Variants in TUSC3 observed in about 807,000 individuals in gnomAD.
TUSC3 encodes the protein tumor suppressor candidate 3.
TUSC3 carries 45 observed loss-of-function variants against 44.8 expected under a neutral mutation model. The ratio of observed to expected loss-of-function variants is 1.00; its 90% CI spans 0.79 to 1.29. The LOEUF is 1.29. TUSC3 is among the 50% of genes most tolerant of loss of function. TUSC3 has a pLI of 0.00. For synonymous variants in TUSC3, 212 were observed against 152.9 expected (o/e 1.39, Z -2.85); for missense variants, 519 against 437.9 (o/e 1.19, Z -1.65).
chr8:15,554,374 ATTCTTTTTTCCTGTCTTGTGCTGACTG>A (rs946249792), intron 1 of TUSC3, among the ~76,000 whole-genome samples: 26 of 151,626 alleles, frequency 1.7e-4, no homozygotes, highest in African/African-American at 6.3e-4. Flanking sequence ...GCTTTGCTGT[ATTCTTTTTTCCTGTCTTGTGCTGACTG>A]GGAATGTTTG....
the TUSC3 span, among the ~76,000 whole-genome samples, chr8:15,802,648 G>C: frequency 8.1e-5 from 12 of 148,800 alleles, no homozygotes; most frequent in Non-Finnish European, 1.3e-4. Flanking sequence ...TATTGAATAA[G>C]CAAACACAGG....
intron 6 of TUSC3, among the ~76,000 whole-genome samples, chr8:15,704,929 G>C (rs138416513): frequency 7.7e-4 from 107 of 139,740 alleles, no homozygotes; most frequent in African/African-American, 2.5e-3. Flanking sequence ...TGGCTTCTTT[G>C]TTAATCCTGT....
chr8:15,817,793 A>G, the TUSC3 span, among the ~76,000 whole-genome samples: 2 of 152,170 alleles, frequency 1.3e-5, no homozygotes, highest in Non-Finnish European at 2.9e-5. Context: ...AGACTAATAC[A>G]CAAGTGTTGG....
chr8:15,488,719 C>A (rs889090204), intron 2 of TUSC3, among the ~76,000 whole-genome samples: 5 of 152,074 alleles, frequency 3.3e-5, no homozygotes, highest in African/African-American at 1.2e-4. Flanking sequence ...CTTTCTCTCC[C>A]ATATGAAGAT....
At chr8:15,460,981 T>C (rs184387913) in intron 1 of TUSC3, among the ~76,000 whole-genome samples, 1 of 152,336 alleles carries the variant, frequency 6.6e-6, no homozygotes, top group African/African-American at 2.4e-5. Context: ...AGATTTATTC[T>C]TTTTGCTTAG....
In TUSC3 at chr8:15,652,972, G is replaced by A. The variant is rs1261191764; in HGVS notation, c.426+2158G>A. Among the ~76,000 whole-genome samples, 4 of 152,254 alleles carry A rather than the reference G, an allele frequency of 2.6e-5. No homozygotes were observed. In the East Asian group the frequency reaches 7.7e-4, roughly 29 times the overall value. On this transcript the variant is annotated intron_variant, in intron 3 of 10. Transcript: ENST00000503731. ...ACCTGATGTACTAAGTACATACTTA[G>A]TGTATTAAACATCTTATTTACTTTT...
chr8:15,689,681 A>C (rs1262445031), intron 6 of TUSC3: 1 of 152,052 alleles, frequency 6.6e-6, no homozygotes, highest in Non-Finnish European at 1.5e-5. Context: ...AGTGTTTACC[A>C]CCCACTTGTA....
chr8:15,802,855 C>G, the TUSC3 span, among the ~76,000 whole-genome samples: 1 of 151,938 alleles, frequency 6.6e-6, no homozygotes, highest in African/African-American at 2.4e-5. Flanking sequence ...AAATCACTAA[C>G]TGCGTTCATA....
At chr8:15,689,401 C>T (rs991044972) in intron 6 of TUSC3, 4 of 202,062 alleles carry the variant, frequency 2.0e-5, no homozygotes, top group East Asian at 1.7e-4. Flanking sequence ...TCCAGGATGT[C>T]GAAGGCGACC....
intron 3 of TUSC3, among the ~76,000 whole-genome samples, chr8:15,654,159 T>C (rs1807043692): frequency 6.6e-6 from 1 of 152,178 alleles, no homozygotes; most frequent in Non-Finnish European, 1.5e-5. Context: ...CATTAGGTCT[T>C]AGTATGGATT....
intron 2 of TUSC3, among the ~76,000 whole-genome samples, chr8:15,627,863 A>G (rs1479633176): frequency 1.3e-5 from 2 of 152,204 alleles, no homozygotes; most frequent in Non-Finnish European, 2.9e-5. Context: ...CAGGCATGGG[A>G]TCCTGGCCGG....
At chr8:15,480,791 C>T (rs535207779) in intron 1 of TUSC3, among the ~76,000 whole-genome samples, 20 of 152,284 alleles carry the variant, frequency 1.3e-4, no homozygotes, top group African/African-American at 4.3e-4. Flanking sequence ...TAACCTATTA[C>T]CTATTTAAGT....
chr8:15,799,036 G>C, the TUSC3 span, among the ~76,000 whole-genome samples: 48 of 152,204 alleles, frequency 3.2e-4, no homozygotes, highest in African/African-American at 1.1e-3. Flanking sequence ...TTCTCCAAGA[G>C]TTTAACTATA....
chr8:15,611,572 T>C (rs1166018249), intron 1 of TUSC3, among the ~76,000 whole-genome samples: 3 of 152,300 alleles, frequency 2.0e-5, no homozygotes, highest in East Asian at 1.9e-4. Flanking sequence ...ATTTGCTGAG[T>C]TCTTAACTGA....
chr8:15,785,870 CAT>C, the TUSC3 span, among the ~76,000 whole-genome samples: 1 of 151,846 alleles, frequency 6.6e-6, no homozygotes, highest in African/African-American at 2.4e-5. Flanking sequence ...TGGATAGAGA[CAT>C]TTCAGAAGTT....
At chr8:15,652,896 A>G (rs1806978500) in intron 3 of TUSC3, among the ~76,000 whole-genome samples, 1 of 152,164 alleles carries the variant, frequency 6.6e-6, no homozygotes, top group African/African-American at 2.4e-5. Context: ...GTTTCATTGT[A>G]TCTTTGTTAT....
At chr8:15,653,567 A>G (rs1355927124) in intron 3 of TUSC3, among the ~76,000 whole-genome samples, 1 of 152,160 alleles carries the variant, frequency 6.6e-6, no homozygotes, top group Non-Finnish European at 1.5e-5. Context: ...TCTCAGGTTA[A>G]TTTTGATTCA....
intron 1 of TUSC3, 115 bp downstream of exon 1, chr8:15,540,683 C>A (rs949452609): frequency 4.4e-6 from 6 of 1,358,988 alleles, no homozygotes; most frequent in South Asian, 1.6e-5. Flanking sequence ...TGGGCGATGC[C>A]GGCGCTGGGG....
intron 9 of TUSC3, among the ~76,000 whole-genome samples, chr8:15,753,831 A>G (rs1044266864): frequency 5.3e-5 from 8 of 152,218 alleles, no homozygotes; most frequent in African/African-American, 1.9e-4. Flanking sequence ...GAAAGCAAAT[A>G]TATATCTATT....
Sources: allele counts gnomAD v4.1 joint callset (sites outside exome capture counted in the v4.1 genomes callset), GRCh38; gene constraint gnomAD v4.1.1; transcripts MANE v1.5; gene names NCBI Gene and HGNC (gene_info 2026-07-23, HGNC 2026-07-21).